CPQ: variants seen among roughly 807,000 people sequenced by gnomAD.
CPQ encodes the protein carboxypeptidase Q.
In CPQ, 37 loss-of-function variants were observed where a neutral mutation model predicts 45.7. The ratio of observed to expected loss-of-function variants is 0.81; its 90% CI spans 0.62 to 1.07. CPQ has a LOEUF of 1.07. CPQ is among the 50% of genes least tolerant of loss of function. The probability of loss-of-function intolerance (pLI) is 0.00; values close to 1 mark genes in which losing one functional copy is unlikely to be tolerated. For missense variants in CPQ, 537 were observed against 572.9 expected (o/e 0.94, Z 0.64); for synonymous variants, 186 against 205.8 (o/e 0.90, Z 0.82).
At chr8:96,800,142 A>G (rs1810987444) in intron 2 of CPQ, among the ~76,000 whole-genome samples, 1 of 152,160 alleles carries the variant, frequency 6.6e-6, no homozygotes, top group South Asian at 2.1e-4. Context: ...GGGCCTAGAG[A>G]ATACTGGAAA....
At chr8:96,721,471 C>T (rs1236052816) in intron 1 of CPQ, among the ~76,000 whole-genome samples, 3 of 152,092 alleles carry the variant, frequency 2.0e-5, no homozygotes, top group African/African-American at 7.2e-5. Flanking sequence ...TACAGTTTCT[C>T]TGACTTCTTT....
intron 6 of CPQ, among the ~76,000 whole-genome samples, chr8:97,032,120 C>T (rs1157970823): frequency 6.6e-6 from 1 of 152,268 alleles, no homozygotes; most frequent in East Asian, 1.9e-4. Context: ...CCAGTTCACT[C>T]CAGTCACAAC....
chr8:96,685,209 T>C (rs999905674), intron 1 of CPQ, among the ~76,000 whole-genome samples: 6 of 152,152 alleles, frequency 3.9e-5, no homozygotes, highest in Non-Finnish European at 7.4e-5. Context: ...TGTGTTTTGA[T>C]TTTTTGTTAT....
intron 1 of CPQ, among the ~76,000 whole-genome samples, chr8:96,664,587 G>A (rs1425887899): frequency 6.6e-6 from 1 of 152,238 alleles, no homozygotes; most frequent in East Asian, 1.9e-4. Flanking sequence ...CATGATTTTG[G>A]GAATGTAGAT....
chr8:96,889,253 G>A (rs1421865361), intron 4 of CPQ, among the ~76,000 whole-genome samples: 1 of 152,198 alleles, frequency 6.6e-6, no homozygotes, highest in Non-Finnish European at 1.5e-5. Context: ...AGTAGGCAAA[G>A]ACTGAAATTC....
chr8:97,021,462 A>G lies in CPQ; in HGVS notation c.962-7941A>G, dbSNP rs180720040. Among the ~76,000 whole-genome samples, 768 of 152,264 alleles carry G rather than the reference A, an allele frequency of 5.0e-3. 11 individuals are homozygous for G. The highest frequency in any genetic ancestry group is 0.016 in the African/African-American group (669 of 41,536). On this transcript the variant is annotated intron_variant, in intron 5 of 7. Coordinates refer to ENST00000220763, the MANE Select transcript of CPQ (RefSeq NM_016134.4). ...TATGATTGTTTGCCTAGAAAACCCT[A>G]AAGACTCCTCCAGAAAGCTCCTAGA...
chr8:96,694,720 A>T (rs940236538), intron 1 of CPQ, among the ~76,000 whole-genome samples: 1 of 152,186 alleles, frequency 6.6e-6, no homozygotes, highest in Non-Finnish European at 1.5e-5. Context: ...ATTGAAGCAA[A>T]TAATAATGGA....
intron 6 of CPQ, among the ~76,000 whole-genome samples, chr8:97,061,101 TAAA>T (rs752706317): frequency 2.5e-4 from 38 of 152,000 alleles, no homozygotes; most frequent in Non-Finnish European, 5.9e-5. Context: ...AGCAGCAACT[TAAA>T]AAGTTCTACA....
chr8:96,995,449 A>G (rs1809162116), intron 5 of CPQ, among the ~76,000 whole-genome samples: 1 of 151,888 alleles, frequency 6.6e-6, no homozygotes, highest in African/African-American at 2.4e-5. Flanking sequence ...TATGTGGGGG[A>G]AAATAGTGCA....
At chr8:97,013,293 T>TAAC (rs1349878965) in intron 5 of CPQ, among the ~76,000 whole-genome samples, 1 of 151,948 alleles carries the variant, frequency 6.6e-6, no homozygotes, top group African/African-American at 2.4e-5. Context: ...AAACAAGTAA[T>TAAC]AACAATAATA....
chr8:96,767,083 C>A (rs1810477559), intron 1 of CPQ, among the ~76,000 whole-genome samples: 1 of 152,134 alleles, frequency 6.6e-6, no homozygotes, highest in Non-Finnish European at 1.5e-5. Context: ...CTGTGAGCTG[C>A]CGACTCATTA....
Position 96,926,625 on chromosome 8 carries a change from C to CTTCTTCTTCTTCTTCTTCTTCTTCTT in CPQ, c.850-39310_850-39309insTTCTTCTTCTTCTTCTTCTTCTTCTT, listed in dbSNP as rs59043894. On this transcript the variant is annotated intron_variant, in intron 4 of 7. Transcript: ENST00000220763. ...TTCTTCTTCTTCTTCTTCTTCTTCT[C>CTTCTTCTTCTTCTTCTTCTTCTTCTT]CTCCTTCTCCTTCTTCTTCTTCTCC... Among the ~76,000 whole-genome samples, 52 of 58,480 alleles carry CTTCTTCTTCTTCTTCTTCTTCTTCTT rather than the reference C, an allele frequency of 8.9e-4. 4 individuals carry two copies. Among genetic ancestry groups the CTTCTTCTTCTTCTTCTTCTTCTTCTT allele is most frequent in the African/African-American group, 3.0e-3 (47 of 15,902 alleles). 38.4% of individuals were successfully genotyped at this position (58,480 alleles called of 152,430 possible). A position where few individuals can be genotyped will look rare whatever the true frequency, so the allele number is the denominator to read the frequency against.
At chr8:96,798,486 T>C (rs1810964949) in intron 2 of CPQ, among the ~76,000 whole-genome samples, 1 of 152,200 alleles carries the variant, frequency 6.6e-6, no homozygotes, top group Admixed American at 6.5e-5. Context: ...CTATCTTTTG[T>C]TTATAAACAT....
intron 5 of CPQ, among the ~76,000 whole-genome samples, chr8:96,986,310 G>A (rs967259988): frequency 6.6e-6 from 1 of 152,174 alleles, no homozygotes; most frequent in Non-Finnish European, 1.5e-5. Context: ...TAGAAAATTC[G>A]ATTGGACCAT....
chr8:97,021,557 T>C (rs934717596), intron 5 of CPQ, among the ~76,000 whole-genome samples: 1 of 152,248 alleles, frequency 6.6e-6, no homozygotes, highest in Non-Finnish European at 1.5e-5. Flanking sequence ...GTCTTCTATA[T>C]ACCAATAGTG....
chr8:96,994,905 A>G (rs1397603708), intron 5 of CPQ, among the ~76,000 whole-genome samples: 1 of 152,118 alleles, frequency 6.6e-6, no homozygotes, highest in African/African-American at 2.4e-5. Flanking sequence ...TGTGTGGGAC[A>G]TTGGTCAACA....
chr8:97,049,569 G>A (rs1343090755), intron 6 of CPQ, among the ~76,000 whole-genome samples: 2 of 152,066 alleles, frequency 1.3e-5, no homozygotes, highest in African/African-American at 4.8e-5. Context: ...GAAGGGGAGT[G>A]GAAACTCAAT....
chr8:96,737,353 G>GATATATATATATATATAT (rs1277946599), intron 1 of CPQ, among the ~76,000 whole-genome samples: 6 of 43,350 alleles, frequency 1.4e-4, no homozygotes, highest in African/African-American at 4.0e-4. Flanking sequence ...GAACTAATAG[G>GATATATATATATATATAT]AGATATATAT....
At chr8:96,745,354 G>A (rs551724784) in intron 1 of CPQ, among the ~76,000 whole-genome samples, 1 of 152,186 alleles carries the variant, frequency 6.6e-6, no homozygotes, top group African/African-American at 2.4e-5. Context: ...GTGGGCTGAA[G>A]AGCAGTTTCA....
Sources: gnomAD v4.1 joint callset for allele counts (sites outside exome capture counted in the v4.1 genomes callset) on GRCh38, gnomAD v4.1.1 for gene constraint, MANE v1.5 for transcripts, NCBI Gene and HGNC (gene_info 2026-07-23, HGNC 2026-07-21) for gene names.